TJAP1: variants seen among roughly 807,000 people sequenced by gnomAD.
TJAP1 encodes the protein tight junction-associated protein 1.
TJAP1 carries 27 observed loss-of-function variants against 42.0 expected under a neutral mutation model. That is an observed-to-expected ratio of 0.64 (90% confidence interval 0.47 to 0.89). The LOEUF (loss-of-function observed/expected upper bound fraction) is 0.89, where lower values mean the gene tolerates loss of function less well. TJAP1 is among the 40% of genes least tolerant of loss of function. The probability of loss-of-function intolerance (pLI) is 0.00; values close to 1 mark genes in which losing one functional copy is unlikely to be tolerated. For missense variants in TJAP1, 712 were observed against 726.9 expected, an observed-to-expected ratio of 0.98 and a Z score of 0.24; for synonymous variants, 257 against 288.4, an observed-to-expected ratio of 0.89 and a Z score of 1.10.
Position 43,478,245 on chromosome 6 carries a change from C to G in TJAP1, c.-122+13C>G, listed in dbSNP as rs925984986. 2 of 152,286 alleles carry G rather than the reference C, an allele frequency of 1.3e-5. No individual in the cohort carries two copies. Among genetic ancestry groups the G allele is most frequent in the Admixed American group, 1.3e-4 (2 of 15,272 alleles). The allele number at this position is 152,286 out of a possible 1,614,324, so 9.4% of individuals were successfully genotyped here. ...AACCCCAGAGCGGGTAAGGTGGCTTCCAGTGACAGGTTTCTGGCTGGCATG... is the reference window on the plus strand; with the variant it reads ...AACCCCAGAGCGGGTAAGGTGGCTTGCAGTGACAGGTTTCTGGCTGGCATG... On this transcript the variant is annotated intron_variant, in intron 2 of 10. Coordinates refer to ENST00000372449, the Ensembl canonical transcript of TJAP1.
chr6:43,502,455 G>A (rs1791150527), intron 7 of TJAP1, 106 bp downstream of exon 7: 2 of 1,501,038 alleles, frequency 1.3e-6, no homozygotes, highest in Non-Finnish European at 1.8e-6. Flanking sequence ...TGAGGGAGAT[G>A]GTGGGATGGG....
chr6:43,497,479 T>C (rs1241339403), intron 2 of TJAP1: 1 of 152,304 alleles, frequency 6.6e-6, no homozygotes, highest in Non-Finnish European at 1.5e-5. Context: ...CTTGGATCTC[T>C]GTGAGGCTTT....
intron 2 of TJAP1, among the ~76,000 whole-genome samples, chr6:43,494,161 G>A (rs990055011): frequency 1.2e-4 from 19 of 152,264 alleles, no homozygotes; most frequent in Middle Eastern, 6.8e-3. Context: ...GGCAACAGGC[G>A]GCCTGCACCG....
chr6:43,501,925 ACACTCTCTCT>A lies in TJAP1; in HGVS notation c.290+240_290+249del, dbSNP rs1408396400. ...CACACACACACACACACACACACAC[ACACTCTCTCT>A]CTCTCTCTCTCTCTCTCTCTCCTTT... On this transcript the variant is annotated intron_variant, in intron 6 of 10. Transcript: ENST00000372449. 9.5e-4 allele frequency among the ~76,000 whole-genome samples: 97 copies of A among 102,288 alleles called. 1 individual carries two copies. The highest frequency in any genetic ancestry group is 4.3e-3 in the African/African-American group (90 of 20,718). The allele number at this position is 102,288 out of a possible 152,430, so 67.1% of individuals were successfully genotyped here.
chr6:43,492,967 G>C lies in TJAP1; in HGVS notation c.-121-4914G>C, dbSNP rs990068463. ...CTGAGGGGGAGGCCCCAGTCCCTGT[G>C]TGATCAGACATTTGTGTTTTAGTGG... is the stretch of plus-strand genomic sequence containing the variant. On this transcript the variant is annotated intron_variant, in intron 2 of 10. Coordinates refer to ENST00000372449, the Ensembl canonical transcript of TJAP1. The surrounding 1 kb of genome is among the most constrained non-coding windows in gnomAD (Gnocchi z 4.2). Among the ~76,000 whole-genome samples, 13 of 152,182 alleles carry C rather than the reference G, an allele frequency of 8.5e-5. No homozygotes were observed. Among genetic ancestry groups the C allele is most frequent in the African/African-American group, 2.9e-4 (12 of 41,446 alleles).
At chr6:43,502,076 A>ACACTCTCTCTCT (rs767085594) in intron 6 of TJAP1, among the ~76,000 whole-genome samples, 9 of 68,954 alleles carry the variant, frequency 1.3e-4, no homozygotes, top group South Asian at 5.1e-4. Context: ...ACACACACAC[A>ACACTCTCTCTCT]CTCTCTCTCT....
chr6:43,490,798 G>A (rs912501435), intron 2 of TJAP1, among the ~76,000 whole-genome samples: 3 of 152,172 alleles, frequency 2.0e-5, no homozygotes, highest in Non-Finnish European at 4.4e-5. Flanking sequence ...TCAGTAGAGT[G>A]GGGGCAGGAC....
intron 1 of TJAP1, among the ~76,000 whole-genome samples, 164 bp from the exon 2 acceptor site, chr6:43,477,923 A>G (rs979681280): frequency 1.3e-5 from 2 of 152,164 alleles, no homozygotes; most frequent in African/African-American, 2.4e-5. Context: ...TTAGCCGCGA[A>G]TAAAGAAGCC....
At chr6:43,489,376 G>A (rs997895188) in intron 2 of TJAP1, among the ~76,000 whole-genome samples, 2 of 152,326 alleles carry the variant, frequency 1.3e-5, no homozygotes, top group African/African-American at 2.4e-5. Flanking sequence ...TGTGCAGCCC[G>A]TGCTGTTGAC....
chr6:43,494,654 T>G (rs933311102), intron 2 of TJAP1, among the ~76,000 whole-genome samples: 16 of 147,862 alleles, frequency 1.1e-4, no homozygotes, highest in Non-Finnish European at 2.2e-4. Flanking sequence ...TTTCCTTTTT[T>G]TTTTTTTTTT....
rs1792098325 is a variant in TJAP1 at position 43,505,409 on chromosome 6, C to T, written c.1228C>T (p.Leu410=). Reference sequence around the variant, plus strand: ...TAGCTCTGCCAGCTCTGAAGAGGACCTGCTGGTCAGCTGGCAGCGGGCATT... The same window carrying T: ...TAGCTCTGCCAGCTCTGAAGAGGACTTGCTGGTCAGCTGGCAGCGGGCATT... Residue 410 remains leucine, a synonymous_variant, in exon 11 of 11, where the codon CTG becomes TTG. Coordinates refer to ENST00000372449, the Ensembl canonical transcript of TJAP1. The surrounding 1 kb of genome is among the most constrained non-coding windows in gnomAD (Gnocchi z 5.5). 3.1e-6 allele frequency: 5 copies of T among 1,612,432 alleles called. No homozygotes were observed. The highest frequency in any genetic ancestry group is 3.4e-6 in the Non-Finnish European group (4 of 1,179,998).
intron 5 of TJAP1, 82 bp downstream of exon 5, chr6:43,500,854 C>T (rs375636341): frequency 4.9e-5 from 75 of 1,534,976 alleles, no homozygotes; most frequent in Non-Finnish European, 6.3e-5. Context: ...TACAGTTGGA[C>T]TTTCCCTTGG....
At chr6:43,481,596 AAAG>A (rs1242221520) in intron 2 of TJAP1, among the ~76,000 whole-genome samples, 1 of 152,106 alleles carries the variant, frequency 6.6e-6, no homozygotes, top group Non-Finnish European at 1.5e-5. Context: ...AAAAAAAAAA[AAAG>A]AAGTGGCATT....
exon 10 of TJAP1, chr6:43,503,685 C>A: frequency 6.2e-7 from 1 of 1,614,156 alleles, no homozygotes; most frequent in Non-Finnish European, 8.5e-7. Context: ...AGTCCCACTT[C>A]CGAAACCACA....
rs1788910540 is a variant in TJAP1, at chr6:43,495,540, G to A, written c.-121-2341G>A. On this transcript the variant is annotated intron_variant, in intron 2 of 10. Transcript: ENST00000372449. The surrounding 1 kb of genome is among the most constrained non-coding windows in gnomAD (Gnocchi z 4.6). ...GAGGAACACCATGGGCCCCCTGGTGGATTGTCTTCCCAGTGGGCATTGCCT... is the reference window on the plus strand; with the variant it reads ...GAGGAACACCATGGGCCCCCTGGTGAATTGTCTTCCCAGTGGGCATTGCCT... Among the ~76,000 whole-genome samples the A allele has an allele frequency of 6.6e-6, 1 of 152,180 alleles. No homozygotes were observed. The highest frequency in any genetic ancestry group is 1.5e-5 in the Non-Finnish European group (1 of 68,030).
Position 43,503,723 on chromosome 6 carries a change from C to G in TJAP1, c.579+17C>G. The G allele has an allele frequency of 6.2e-7, 1 of 1,606,762 alleles. No homozygotes were observed. The highest frequency in any genetic ancestry group is 1.1e-5 in the South Asian group (1 of 90,932). On this transcript the variant is annotated intron_variant, in intron 10 of 10. Transcript: ENST00000372449. ...TTTGCCGATGTGAGTAGAACTCACC[C>G]CCTCCCTGCCCACATAGACCATTCC...
intron 2 of TJAP1, among the ~76,000 whole-genome samples, chr6:43,493,574 A>G (rs1788296621): frequency 6.6e-6 from 1 of 152,182 alleles, no homozygotes; most frequent in Non-Finnish European, 1.5e-5. Context: ...GGATGGCCTC[A>G]GCCTCAGCTG....
intron 2 of TJAP1, among the ~76,000 whole-genome samples, chr6:43,494,650 T>C (rs1788692952): frequency 7.5e-6 from 1 of 133,724 alleles, no homozygotes; most frequent in Non-Finnish European, 1.5e-5. Context: ...TTGATTTCCT[T>C]TTTTTTTTTT....
chr6:43,495,985 A>G lies in TJAP1; in HGVS notation c.-121-1896A>G, dbSNP rs775060187. ...TGTTTCGGTACCAAGAGGACAGCACAGGCCTTGCCAGGAATAGGGACAAGG... is the reference window on the plus strand; with the variant it reads ...TGTTTCGGTACCAAGAGGACAGCACGGGCCTTGCCAGGAATAGGGACAAGG... On this transcript the variant is annotated intron_variant, in intron 2 of 10. Transcript: ENST00000372449. The surrounding 1 kb of genome is among the most constrained non-coding windows in gnomAD (Gnocchi z 4.6). 1.8e-4 allele frequency among the ~76,000 whole-genome samples: 27 copies of G among 152,142 alleles called. No homozygotes were observed. Among genetic ancestry groups the G allele is most frequent in the Admixed American group, 5.9e-4 (9 of 15,278 alleles).
Sources: gnomAD v4.1 joint callset for allele counts (sites outside exome capture counted in the v4.1 genomes callset) on GRCh38, gnomAD v4.1.1 for gene constraint, Gnocchi (gnomAD v3.1) non-coding constraint, MANE v1.5 for transcripts, NCBI Gene and HGNC (gene_info 2026-07-23, HGNC 2026-07-21) for gene names.